CHMP1A: variants seen among roughly 807,000 people sequenced by gnomAD.
CHMP1A encodes charged multivesicular body protein 1A, also known as VPS46 homolog A.
Under a neutral mutation model 27.0 loss-of-function variants are expected in CHMP1A, and 17 were observed. That is an observed-to-expected ratio of 0.63 (90% CI 0.43 to 0.95). The LOEUF (loss-of-function observed/expected upper bound fraction) is 0.95. Ranked by LOEUF, CHMP1A falls within the 40% of genes least tolerant of loss-of-function variation. The pLI is 0.00. For missense variants in CHMP1A, 275 were observed against 264.0 expected (o/e 1.04, Z -0.29); for synonymous variants, 131 against 107.5 (o/e 1.22, Z -1.35).
At position 89,645,940 on chromosome 16, in the gene CHMP1A, A is replaced by C. The variant is rs747262339; in HGVS notation, c.*126T>G. On this transcript the variant is annotated 3_prime_UTR_variant, in exon 7 of 7. Transcript: ENST00000397901. ...TAAGGCCACGCAGGCCTGGCAGGTG[A>C]GAGACGCAGAGTGGCTGCCGGCCGC... The C allele has an allele frequency of 8.1e-6, 13 of 1,611,328 alleles. No individual in the cohort carries two copies. Among genetic ancestry groups the C allele is most frequent in the Non-Finnish European group, 9.3e-6 (11 of 1,179,020 alleles).
chr16:89,649,152 GCTTAACTCAACCTCCCCACCCCAC>G, intron 4 of CHMP1A, 175 bp downstream of exon 4: 2 of 367,148 alleles, frequency 5.4e-6, no homozygotes, highest in Non-Finnish European at 8.9e-6. Context: ...CGCTGATCCA[GCTTAACTCAACCTCCCCACCCCAC>G]GCTGATCCAG....
rs369730946 is a variant in CHMP1A, at chr16:89,651,091, G to A, written c.105+478C>T. Among the ~76,000 whole-genome samples the A allele has an allele frequency of 1.6e-4, 24 of 152,138 alleles. No homozygotes were observed. In the East Asian group the frequency reaches 4.5e-3, roughly 28 times the overall value. Reference sequence around the variant, plus strand: ...TTTGAGGCTCAGAAATCATAGTGAGGATTAGGCTGGGCACAGTGGCTCATG... The same window carrying A: ...TTTGAGGCTCAGAAATCATAGTGAGAATTAGGCTGGGCACAGTGGCTCATG... On this transcript the variant is annotated intron_variant, in intron 3 of 6. Transcript: ENST00000397901.
At chr16:89,654,616 G>A (rs757542729) in intron 1 of CHMP1A, among the ~76,000 whole-genome samples, 21 of 151,864 alleles carry the variant, frequency 1.4e-4, no homozygotes, top group African/African-American at 1.9e-4. Context: ...CCAGCCTAGG[G>A]AATATAGTCA....
chr16:89,649,500 G>C lies in CHMP1A; in HGVS notation c.106-3C>G, dbSNP rs765715151. On this transcript the variant is annotated splice_polypyrimidine_tract_variant and splice_region_variant and intron_variant, in intron 3 of 6. Transcript: ENST00000397901. ...TCTACATTTTTCTGCAGAAGGGCCTGAAACCCGCGGGGGAAAGCAGCTGGA... is the reference window on the plus strand; with the variant it reads ...TCTACATTTTTCTGCAGAAGGGCCTCAAACCCGCGGGGGAAAGCAGCTGGA... The C allele has an allele frequency of 6.2e-7, 1 of 1,613,606 alleles. No homozygotes were observed. Among genetic ancestry groups the C allele is most frequent in the Admixed American group, 1.7e-5 (1 of 60,004 alleles).
Position 89,647,575 on chromosome 16 carries a change from G to A in CHMP1A, c.253-244C>T, listed in dbSNP as rs570483984. ...GGCCGCCGACGTGGAGACCCAGTGC[G>A]GGGTCAGTGGAGAAAAGGCCGCCGA... On this transcript the variant is annotated intron_variant, in intron 4 of 6. Transcript: ENST00000397901. 2.7e-4 allele frequency among the ~76,000 whole-genome samples: 40 copies of A among 146,024 alleles called. 1 individual carries two copies. The highest frequency in any genetic ancestry group is 8.6e-4 in the South Asian group (4 of 4,630).
rs745314879 is a variant in CHMP1A at position 89,647,272 on chromosome 16, G to C, written c.312C>G (p.Asp104Glu). The C allele has an allele frequency of 8.1e-6, 13 of 1,611,810 alleles. No homozygotes were observed. The South Asian group carries it at 1.3e-4, about 16-fold the overall frequency. The change falls in exon 5 of 7, where the codon GAC (aspartate) becomes GAG (glutamate). Residue 104 changes from aspartate to glutamate, a missense_variant. Transcript: ENST00000397901. ...CCATCACTGAGGAGACCTTCTGCAG[G>C]TCCATGGTGCTCAGGGCCTTGTCCA... ...KALDKALSTM[D>E]LQKVSSVMDR...
intron 1 of CHMP1A, among the ~76,000 whole-genome samples, 173 bp downstream of exon 1, chr16:89,657,409 G>C (rs1314230727): frequency 6.7e-6 from 1 of 150,130 alleles, no homozygotes; most frequent in Admixed American, 6.6e-5. Flanking sequence ...ACCGGGAAAA[G>C]GGGTCCCAGG....
At chr16:89,649,812 G>A (rs1005671425) in intron 3 of CHMP1A, among the ~76,000 whole-genome samples, 4 of 152,150 alleles carry the variant, frequency 2.6e-5, no homozygotes, top group African/African-American at 2.4e-5. Context: ...TCCTGACCTC[G>A]TGATCTGCCC....
At chr16:89,649,857 T>C (rs2151514108) in intron 3 of CHMP1A, among the ~76,000 whole-genome samples, 1 of 152,268 alleles carries the variant, frequency 6.6e-6, no homozygotes, top group Admixed American at 6.5e-5. Context: ...ATCACAGGCG[T>C]GAGCCACCGC....
At chr16:89,649,296 A>G (rs1007237203) in intron 4 of CHMP1A, 55 bp downstream of exon 4, 1 of 1,582,564 alleles carries the variant, frequency 6.3e-7, no homozygotes, top group Admixed American at 1.7e-5. Flanking sequence ...CGCAGAGCCC[A>G]TTCCTGCTTC....
At chr16:89,653,755 C>T in intron 2 of CHMP1A, 149 bp downstream of exon 2, 1 of 787,064 alleles carries the variant, frequency 1.3e-6, no homozygotes. Context: ...TCAATAATCC[C>T]CTCCTTGGTC....
At chr16:89,653,173 G>A (rs549244072) in intron 2 of CHMP1A, among the ~76,000 whole-genome samples, 5 of 150,690 alleles carry the variant, frequency 3.3e-5, no homozygotes, top group African/African-American at 9.7e-5. Flanking sequence ...GCCTGCCACC[G>A]CGCCCGGCTA....
intron 4 of CHMP1A, among the ~76,000 whole-genome samples, 178 bp from the exon 5 acceptor site, chr16:89,647,509 GA>G (rs1444382804): frequency 6.6e-6 from 1 of 152,212 alleles, no homozygotes; most frequent in Non-Finnish European, 1.5e-5. Flanking sequence ...CAACTCGACG[GA>G]AAAGGCCATG....
chr16:89,647,013 C>T (rs1468178320), intron 5 of CHMP1A, 190 bp downstream of exon 5: 1 of 1,509,160 alleles, frequency 6.6e-7, no homozygotes, highest in Admixed American at 2.0e-5. Context: ...GCAGGAGGCC[C>T]CCGCCGCCCT....
chr16:89,650,329 T>G (rs1317937733), intron 3 of CHMP1A, among the ~76,000 whole-genome samples: 3 of 151,756 alleles, frequency 2.0e-5, no homozygotes, highest in Admixed American at 6.6e-5. Flanking sequence ...TAGGTGTGAA[T>G]CACTGCGCCC....
At chr16:89,657,534 G>A in intron 1 of CHMP1A, 48 bp downstream of exon 1, 1 of 1,605,908 alleles carries the variant, frequency 6.2e-7, no homozygotes. Flanking sequence ...TGGGAGAAGC[G>A]GCCCCGCCCC....
Position 89,645,879 on chromosome 16 carries a change from GACCC to G in CHMP1A, c.*183_*186del. 6.3e-7 allele frequency: 1 copy of G among 1,577,496 alleles called. No individual in the cohort carries two copies. The highest frequency in any genetic ancestry group is 8.6e-7 in the Non-Finnish European group (1 of 1,162,674). Reference sequence around the variant, plus strand: ...TGCAGAAACTCAACACCAGGACACAGACCCACCGCCCAACCTAAAAGAACAGGAA... The same window carrying G: ...TGCAGAAACTCAACACCAGGACACAGACCGCCCAACCTAAAAGAACAGGAA... On this transcript the variant is annotated 3_prime_UTR_variant, in exon 7 of 7. Transcript: ENST00000397901.
chr16:89,647,564 A>G lies in CHMP1A; in HGVS notation c.253-233T>C, dbSNP rs1211346466. 5.3e-3 allele frequency among the ~76,000 whole-genome samples: 721 copies of G among 134,820 alleles called. 7 individuals are homozygous for G. The highest frequency in any genetic ancestry group is 0.01 in the African/African-American group (334 of 33,012). The allele number at this position is 134,820 out of a possible 152,430, so 88.4% of individuals were successfully genotyped here. On this transcript the variant is annotated intron_variant, in intron 4 of 6. Coordinates refer to ENST00000397901, the MANE Select transcript of CHMP1A (RefSeq NM_002768.5). ...AGTGGAGAAAAGGCCGCCGACGTGG[A>G]GACCCAGTGCGGGGTCAGTGGAGAA...
intron 1 of CHMP1A, 121 bp from the exon 2 acceptor site, chr16:89,654,044 C>T: frequency 2.8e-6 from 3 of 1,075,890 alleles, no homozygotes; most frequent in Non-Finnish European, 4.3e-6. Flanking sequence ...ACAGACCACA[C>T]CTGCCTGGGG....
Sources: gnomAD v4.1 joint callset for allele counts (sites outside exome capture counted in the v4.1 genomes callset) on GRCh38, gnomAD v4.1.1 for gene constraint, MANE v1.5 for transcripts, NCBI Gene and HGNC (gene_info 2026-07-23, HGNC 2026-07-21) for gene names.